DACT1: variants seen among roughly 807,000 people sequenced by gnomAD.
The protein encoded by DACT1 is dishevelled binding antagonist of beta catenin 1, also known as dapper homolog 1.
DACT1 carries 19 observed loss-of-function variants against 35.3 expected under a neutral mutation model. The ratio of observed to expected loss-of-function variants is 0.54; its 90% CI spans 0.38 to 0.79. DACT1 has a LOEUF of 0.79. DACT1 is among the 30% of genes least tolerant of loss of function. The pLI is 0.00. For synonymous variants in DACT1, 545 were observed against 466.7 expected (o/e 1.17, Z -2.16); for missense variants, 1,143 against 1,057.5 (o/e 1.08, Z -1.12).
chr14:58,643,647 A>G (rs1027975727), intron 3 of DACT1, among the ~76,000 whole-genome samples: 3 of 152,226 alleles, frequency 2.0e-5, no homozygotes, highest in Non-Finnish European at 4.4e-5. Flanking sequence ...TTTTCCTTCA[A>G]GACAGACCCG....
Position 58,645,770 on chromosome 14 carries a change from G to A in DACT1, c.1036G>A (p.Gly346Ser), listed in dbSNP as rs2047669608. The A allele has an allele frequency of 3.1e-6, 5 of 1,614,126 alleles. No individual in the cohort carries two copies. Among genetic ancestry groups the A allele is most frequent in the Admixed American group, 1.7e-5 (1 of 60,016 alleles). Residue 346 changes from glycine (G) to serine (S), a missense_variant, in exon 4 of 4, where the codon GGT becomes AGT. By Grantham distance (56) the Gly-to-Ser change is moderately conservative. This residue lies in a region of DACT1 where 1,054 missense variants were observed against 958.8 expected (regional missense o/e 1.10). Coordinates refer to ENST00000395153, the MANE Select transcript of DACT1 (RefSeq NM_001079520.2). ...NGSVCVRAPG[G>S]VSQGNSVNLK... ...GAGCGTTTGTGTCAGAGCCCCGGGCGGTGTCTCACAGGGCAACAGTGTGAA... is the reference window on the plus strand; with the variant it reads ...GAGCGTTTGTGTCAGAGCCCCGGGCAGTGTCTCACAGGGCAACAGTGTGAA...
Position 58,647,821 on chromosome 14 carries a change from A to C in DACT1, c.*687A>C, listed in dbSNP as rs1473752654. 6.0e-6 allele frequency: 1 copy of C among 167,110 alleles called. No homozygotes were observed. Among genetic ancestry groups the C allele is most frequent in the Non-Finnish European group, 1.5e-5 (1 of 68,130 alleles). 10.4% of individuals were successfully genotyped at this position (167,110 alleles called of 1,614,324 possible). A position where few individuals can be genotyped will look rare whatever the true frequency, so the allele number is the denominator to read the frequency against. On this transcript the variant is annotated 3_prime_UTR_variant, in exon 4 of 4. Transcript: ENST00000395153. The stretch of plus-strand genomic sequence containing the variant: ...AACCCCTTCTAGGGCCGTTTATCCA[A>C]CATTTAGATGCCTTCTTTTCCCTCC...
chr14:58,634,559 C>A (rs1327268721), upstream of DACT1, among the ~76,000 whole-genome samples: 1 of 152,252 alleles, frequency 6.6e-6, no homozygotes, highest in East Asian at 1.9e-4. Context: ...GGGCTTTGAT[C>A]CCAGACCCTC....
At chr14:58,643,487 T>G (rs2047646262) in intron 3 of DACT1, among the ~76,000 whole-genome samples, 2 of 152,170 alleles carry the variant, frequency 1.3e-5, no homozygotes, top group Non-Finnish European at 2.9e-5. Flanking sequence ...CATATCTGTG[T>G]GTTGTCAGCA....
intron 1 of DACT1, among the ~76,000 whole-genome samples, chr14:58,640,275 T>C (rs114814387): frequency 0.016 from 2,393 of 152,294 alleles, 13 homozygotes; most frequent in African/African-American, 0.021. Context: ...AAGCAACTAA[T>C]AGAAAACAAA....
chr14:58,641,208 G>GTT (rs59251200), intron 2 of DACT1, among the ~76,000 whole-genome samples: 2,039 of 146,430 alleles, frequency 0.014, 34 homozygotes, highest in African/African-American at 0.041. Flanking sequence ...CACTTCAAAA[G>GTT]TTTTTTTTTT....
upstream of DACT1, among the ~76,000 whole-genome samples, chr14:58,637,611 G>A (rs160469): frequency 0.082 from 12,532 of 152,256 alleles, 641 homozygotes; most frequent in African/African-American, 0.14. Context: ...GTCCCGTCGC[G>A]GCCCCTGCCT....
rs768131365 is a variant in DACT1, at chr14:58,645,614, C to T, written c.880C>T (p.His294Tyr). The T allele has an allele frequency of 4.3e-6, 7 of 1,614,156 alleles. No homozygotes were observed. The South Asian group carries it at 6.6e-5, about 15-fold the overall frequency. ...CCCAAGCAGTCTGTGGTCTGCTTCC[C>T]ATCCTTCATCCAGCAAGAAAATGGA... ...PSPSSLWSAS[H>Y]PSSSKKMDGY... Residue 294 changes from histidine (H) to tyrosine (Y), a missense_variant, in exon 4 of 4, where the codon CAT becomes TAT. His to Tyr is a moderately conservative substitution (Grantham distance 83). Around this residue, in one of 3 missense-constraint regions of DACT1, gnomAD observed 1,054 missense variants for 958.8 expected, o/e 1.10. Transcript: ENST00000395153.
At position 58,645,874 on chromosome 14, in the gene DACT1, G is replaced by A; in HGVS notation, c.1140G>A (p.Lys380=). 6.2e-7 allele frequency: 1 copy of A among 1,614,252 alleles called. No homozygotes were observed. The highest frequency in any genetic ancestry group is 8.5e-7 in the Non-Finnish European group (1 of 1,180,054). The part of the protein sequence containing the change: ...SLNNGTFSPP[K]QWSKESKAEQ... ...ACAATGGGACATTCTCCCCACCGAA[G>A]CAGTGGTCGAAAGAATCAAAGGCCG... Residue 380 remains lysine (K), a synonymous_variant, in exon 4 of 4, where the codon AAG becomes AAA. Transcript: ENST00000395153.
At chr14:58,636,601 C>T (rs2047573879), upstream of DACT1, among the ~76,000 whole-genome samples, 1 of 151,822 alleles carries the variant, frequency 6.6e-6, no homozygotes, top group Admixed American at 6.6e-5. Context: ...TTAGACCACA[C>T]AGAGAGGGGA....
chr14:58,641,712 C>A lies in DACT1; in HGVS notation c.599C>A (p.Thr200Asn). ...STCFCSPLEA[T>N]LSLSDGCPKS... is the part of the protein sequence containing the mutation. ...TGCTTTTGCAGCCCCTTGGAGGCGACCTTGAGTCTCTCAGATGGTTGCCCC... is the reference window on the plus strand; with the variant it reads ...TGCTTTTGCAGCCCCTTGGAGGCGAACTTGAGTCTCTCAGATGGTTGCCCC... The change falls in exon 3 of 4, where the codon ACC becomes AAC. Residue 200 changes from threonine to asparagine, a missense_variant. Physicochemically the swap from Thr to Asn is moderately conservative, Grantham distance 65. Transcript: ENST00000395153. The A allele has an allele frequency of 6.2e-7, 1 of 1,614,178 alleles. No homozygotes were observed. The highest frequency in any genetic ancestry group is 8.5e-7 in the Non-Finnish European group (1 of 1,180,030).
Position 58,638,480 on chromosome 14 carries a change from C to A in DACT1, c.278C>A (p.Ala93Glu). The change falls in exon 1 of 4, where the codon GCG (alanine) becomes GAG (glutamate). Residue 93 changes from alanine to glutamate, a missense_variant. By Grantham distance (107) the Ala-to-Glu change is moderately radical. Transcript: ENST00000395153. Reference protein sequence around the residue: ...APRAGELLGEAAQRSRLEEKF... With the variant: ...APRAGELLGEEAQRSRLEEKF... ...CGCGCTGGGGAGCTACTGGGGGAGG[C>A]GGCGCAGCGCAGTCGCCTGGAGGAG... 7.4e-7 allele frequency: 1 copy of A among 1,356,550 alleles called. No homozygotes were observed. Among genetic ancestry groups the A allele is most frequent in the South Asian group, 2.3e-5 (1 of 43,226 alleles). The allele number at this position is 1,356,550 out of a possible 1,614,324, so 84.0% of individuals were successfully genotyped here.
rs768354577 is a variant in DACT1, at chr14:58,646,439, C to G, written c.1705C>G (p.Arg569Gly). The stretch of plus-strand genomic sequence containing the variant: ...CTTGCCCACCGTCAGGGAGAAAACG[C>G]GGGCCGGGAGCAAGAAGTGTCGCTT... ...NGLPTVREKT[R>G]AGSKKCRFPD... The change falls in exon 4 of 4, where the codon CGG becomes GGG. Residue 569 changes from arginine to glycine, a missense_variant. By Grantham distance (125) the Arg-to-Gly change is moderately radical. This residue lies in a region of DACT1 where 1,054 missense variants were observed against 958.8 expected (regional missense o/e 1.10). Coordinates refer to ENST00000395153, the MANE Select transcript of DACT1 (RefSeq NM_001079520.2). The G allele has an allele frequency of 6.3e-7, 1 of 1,589,886 alleles. No individual in the cohort carries two copies. The highest frequency in any genetic ancestry group is 1.4e-5 in the African/African-American group (1 of 73,554).
intron 3 of DACT1, among the ~76,000 whole-genome samples, chr14:58,642,941 G>A (rs954509513): frequency 1.3e-5 from 2 of 152,168 alleles, no homozygotes; most frequent in Admixed American, 6.5e-5. Flanking sequence ...TCCAGTATGT[G>A]TCACACACTA....
At position 58,647,099 on chromosome 14, in the gene DACT1, C is replaced by G. The variant is rs369586925; in HGVS notation, c.2365C>G (p.Arg789Gly). 3 of 1,614,132 alleles carry G rather than the reference C, an allele frequency of 1.9e-6. No homozygotes were observed. The South Asian group carries it at 3.3e-5, about 18-fold the overall frequency. Residue 789 changes from arginine to glycine, a missense_variant, in exon 4 of 4, where the codon CGG becomes GGG. Around this residue, in one of 3 missense-constraint regions of DACT1, gnomAD observed 1,054 missense variants for 958.8 expected, o/e 1.10. Coordinates refer to ENST00000395153, the MANE Select transcript of DACT1 (RefSeq NM_001079520.2). ...HNLKKKILRFRSGSLKLMTTV is the reference protein window; with the variant it reads ...HNLKKKILRFGSGSLKLMTTV ...CCTCAAGAAGAAGATCCTCCGCTTTCGGTCTGGCTCTTTGAAACTGATGAC... is the reference window on the plus strand; with the variant it reads ...CCTCAAGAAGAAGATCCTCCGCTTTGGGTCTGGCTCTTTGAAACTGATGAC...
At position 58,646,656 on chromosome 14, in the gene DACT1, G is replaced by C; in HGVS notation, c.1922G>C (p.Arg641Pro). 6.2e-7 allele frequency: 1 copy of C among 1,612,090 alleles called. No homozygotes were observed. The highest frequency in any genetic ancestry group is 2.2e-5 in the East Asian group (1 of 44,854). The stretch of plus-strand genomic sequence containing the variant: ...AAGCACAAGCGAACTGACTACCGGC[G>C]GTGGAAGTCCTCGGCCGAGATTTCC... ...KPKHKRTDYR[R>P]WKSSAEISYE... is the part of the protein sequence containing the mutation. The change falls in exon 4 of 4, where the codon CGG becomes CCG. Residue 641 changes from arginine (R) to proline (P), a missense_variant. This residue lies in a region of DACT1 where 1,054 missense variants were observed against 958.8 expected (regional missense o/e 1.10). Coordinates refer to ENST00000395153, the MANE Select transcript of DACT1 (RefSeq NM_001079520.2).
chr14:58,645,552 A>G lies in DACT1; in HGVS notation c.818A>G (p.Glu273Gly). The G allele has an allele frequency of 6.2e-7, 1 of 1,614,188 alleles. No individual in the cohort carries two copies. Among genetic ancestry groups the G allele is most frequent in the Middle Eastern group, 1.6e-4 (1 of 6,062 alleles). The change falls in exon 4 of 4, where the codon GAG becomes GGG. Residue 273 changes from glutamate (E) to glycine (G), a missense_variant. Physicochemically the swap from Glu to Gly is moderately conservative, Grantham distance 98. Around this residue, in one of 3 missense-constraint regions of DACT1, gnomAD observed 1,054 missense variants for 958.8 expected, o/e 1.10. Coordinates refer to ENST00000395153, the MANE Select transcript of DACT1 (RefSeq NM_001079520.2). ...NHASDICGGS[E>G]LDAVKTDSSL... The stretch of plus-strand genomic sequence containing the variant: ...GCCAGTGACATTTGCGGTGGATCTG[A>G]GCTAGATGCCGTCAAAACAGACAGT...
In DACT1 at chr14:58,646,029, T is replaced by C. The variant is rs574317881; in HGVS notation, c.1295T>C (p.Ile432Thr). Residue 432 changes from isoleucine (I) to threonine (T), a missense_variant, in exon 4 of 4, where the codon ATT (isoleucine) becomes ACT (threonine). By Grantham distance (89) the Ile-to-Thr change is moderately conservative (BLOSUM62 -1). Around this residue, in one of 3 missense-constraint regions of DACT1, gnomAD observed 1,054 missense variants for 958.8 expected, o/e 1.10. Transcript: ENST00000395153. Reference sequence around the variant, plus strand: ...CAAGAACATGCTCGGTGTTCCGCCATTGGGACAGGGGAGTCCCCTAAGGAA... The same window carrying C: ...CAAGAACATGCTCGGTGTTCCGCCACTGGGACAGGGGAGTCCCCTAAGGAA... ...ASQEHARCSA[I>T]GTGESPKESA... 69 of 1,614,104 alleles carry C rather than the reference T, an allele frequency of 4.3e-5. No individual in the cohort carries two copies. The highest frequency in any genetic ancestry group is 2.1e-4 in the African/African-American group (16 of 75,064).
At chr14:58,640,500 A>T (rs535942199) in intron 1 of DACT1, among the ~76,000 whole-genome samples, 9 of 152,262 alleles carry the variant, frequency 5.9e-5, no homozygotes, top group Admixed American at 1.3e-4. Flanking sequence ...AACTAAAAAC[A>T]AGTCTTGTTT....
Sources: allele counts gnomAD v4.1 joint callset (sites outside exome capture counted in the v4.1 genomes callset), GRCh38; gene constraint gnomAD v4.1.1; regional missense constraint gnomAD v4.1.1; transcripts MANE v1.5; gene names NCBI Gene and HGNC (gene_info 2026-07-23, HGNC 2026-07-21).